The following UGP2 variants were observed in gnomAD, a reference collection of about 807,000 sequenced individuals.
UGP2 encodes the protein UDP-glucose pyrophosphorylase 2.
Under a neutral mutation model 49.0 loss-of-function variants are expected in UGP2, and 40 were observed. The observed-to-expected ratio is 0.82, with a 90% CI of 0.63 to 1.06. UGP2 has a LOEUF of 1.06. Ranked by LOEUF, UGP2 falls within the 50% of genes least tolerant of loss-of-function variation. The probability of loss-of-function intolerance (pLI) is 0.00; values close to 1 mark genes in which losing one functional copy is unlikely to be tolerated. For synonymous variants in UGP2, 225 were observed against 213.0 expected (o/e 1.06, Z -0.49); for missense variants, 460 against 603.5 (o/e 0.76, Z 2.49).
intron 1 of UGP2, 86 bp from the exon 2 acceptor site, chr2:63,856,220 G>T (rs1671056033): frequency 1.3e-6 from 2 of 1,510,320 alleles, no homozygotes; most frequent in Non-Finnish European, 1.8e-6. Flanking sequence ...TTCATTTGCT[G>T]AATACCAGAA....
Position 63,842,079 on chromosome 2 carries a change from A to G in UGP2, c.-107A>G. On this transcript the variant is annotated 5_prime_UTR_variant, in exon 1 of 10. Coordinates refer to ENST00000337130, the MANE Select transcript of UGP2 (RefSeq NM_006759.4). ...TTAAGTAGTTAAATATAGGAGGAGA[A>G]AGAATACATCGGTTGTTAAAGCAGG... The G allele has an allele frequency of 7.3e-7, 1 of 1,373,106 alleles. No individual in the cohort carries two copies. Among genetic ancestry groups the G allele is most frequent in the Non-Finnish European group, 9.8e-7 (1 of 1,015,704 alleles). The allele number at this position is 1,373,106 out of a possible 1,614,324, so 85.1% of individuals were successfully genotyped here.
chr2:63,862,342 A>G (rs531831117), intron 3 of UGP2, among the ~76,000 whole-genome samples: 1 of 152,260 alleles, frequency 6.6e-6, no homozygotes, highest in African/African-American at 2.4e-5. Context: ...TACTGACACT[A>G]AGCAGACATA....
At chr2:63,845,372 T>G (rs898093226) in intron 1 of UGP2, among the ~76,000 whole-genome samples, 1 of 152,182 alleles carries the variant, frequency 6.6e-6, no homozygotes, top group Non-Finnish European at 1.5e-5. Flanking sequence ...TACTTTTCTT[T>G]CCTGAAATGA....
chr2:63,885,735 G>T lies in UGP2; in HGVS notation c.722G>T (p.Gly241Val), dbSNP rs148522627. 5.0e-6 allele frequency: 8 copies of T among 1,613,872 alleles called. No homozygotes were observed. The highest frequency in any genetic ancestry group is 6.8e-6 in the Non-Finnish European group (8 of 1,179,930). Residue 241 changes from glycine (G) to valine (V), a missense_variant, in exon 6 of 10, where the codon GGA becomes GTA. By Grantham distance (109) the Gly-to-Val change is moderately radical. Around this residue, in one of 2 missense-constraint regions of UGP2, gnomAD observed 317 missense variants for 473.0 expected, o/e 0.67. Transcript: ENST00000337130. ...TCTGGATTGCTTGATACCTTTATAG[G>T]AGAAGGCAAAGAGTATATTTTTGTG... is the stretch of plus-strand genomic sequence containing the variant. ...YNSGLLDTFIGEGKEYIFVSN... is the reference protein window; with the variant it reads ...YNSGLLDTFIVEGKEYIFVSN...
In UGP2 at chr2:63,891,102, GT is replaced by G; in HGVS notation, c.1420-14del. 3 of 1,598,620 alleles carry G rather than the reference GT, an allele frequency of 1.9e-6. No homozygotes were observed. The highest frequency in any genetic ancestry group is 1.7e-6 in the Non-Finnish European group (2 of 1,168,614). On this transcript the variant is annotated splice_polypyrimidine_tract_variant and intron_variant, in intron 9 of 9. Coordinates refer to ENST00000337130, the MANE Select transcript of UGP2 (RefSeq NM_006759.4). ...ATTTCAGTTGCAAGTACACTCTTTTGTTTTCCCTGTCACTTAGGGAACGGTT... is the reference window on the plus strand; with the variant it reads ...ATTTCAGTTGCAAGTACACTCTTTTGTTTCCCTGTCACTTAGGGAACGGTT...
At chr2:63,865,926 T>A (rs1305102771) in intron 3 of UGP2, among the ~76,000 whole-genome samples, 1 of 152,202 alleles carries the variant, frequency 6.6e-6, no homozygotes, top group Non-Finnish European at 1.5e-5. Context: ...AATGTGTTCA[T>A]GCTAGTTATC....
chr2:63,863,084 A>T (rs1669958364), intron 3 of UGP2, among the ~76,000 whole-genome samples: 1 of 152,158 alleles, frequency 6.6e-6, no homozygotes, highest in South Asian at 2.1e-4. Flanking sequence ...AGGTTGACTA[A>T]TTTTATGACT....
chr2:63,849,233 CATATTGT>C (rs1250337909), intron 1 of UGP2, among the ~76,000 whole-genome samples: 1 of 152,196 alleles, frequency 6.6e-6, no homozygotes, highest in Non-Finnish European at 1.5e-5. Context: ...TGCTAGTCAA[CATATTGT>C]AAAAATACTA....
chr2:63,873,608 T>G (rs986780803), intron 3 of UGP2, among the ~76,000 whole-genome samples: 1 of 151,906 alleles, frequency 6.6e-6, no homozygotes, highest in Non-Finnish European at 1.5e-5. Flanking sequence ...GAAAAAGTAG[T>G]TGGTGAAATG....
At chr2:63,848,520 T>G (rs1668823937) in intron 1 of UGP2, among the ~76,000 whole-genome samples, 1 of 152,158 alleles carries the variant, frequency 6.6e-6, no homozygotes, top group Non-Finnish European at 1.5e-5. Flanking sequence ...CACGCCACCA[T>G]GCCCAGCTAA....
intron 1 of UGP2, among the ~76,000 whole-genome samples, chr2:63,846,495 T>C (rs1447764473): frequency 6.6e-6 from 1 of 152,136 alleles, no homozygotes; most frequent in East Asian, 1.9e-4. Context: ...TATGTAAAAA[T>C]GTCCCTGATG....
At chr2:63,848,904 T>C (rs549846938) in intron 1 of UGP2, among the ~76,000 whole-genome samples, 2 of 152,370 alleles carry the variant, frequency 1.3e-5, no homozygotes, top group South Asian at 4.1e-4. Context: ...ACTCAAATAC[T>C]GCCTCTGCCA....
rs372160888 is a variant in UGP2 at position 63,855,520 on chromosome 2, G to GTTTTTTTTTTTTT, written c.20-777_20-765dup. 337 of 194,226 alleles carry GTTTTTTTTTTTTT rather than the reference G, an allele frequency of 1.7e-3. 1 individual carries two copies. Among genetic ancestry groups the GTTTTTTTTTTTTT allele is most frequent in the South Asian group, 2.6e-3 (64 of 24,466 alleles). The allele number at this position is 194,226 out of a possible 1,614,324, so 12.0% of individuals were successfully genotyped here. A position where few individuals can be genotyped will look rare whatever the true frequency, so the allele number is the denominator to read the frequency against. On this transcript the variant is annotated intron_variant, in intron 1 of 9. Coordinates refer to ENST00000337130, the MANE Select transcript of UGP2 (RefSeq NM_006759.4). ...TTGGGTCTGGGGTGTTTCTTTTTCT[G>GTTTTTTTTTTTTT]TTTTTTTTTTTTTTTTTTTTTCTCT...
At chr2:63,863,204 A>C (rs1669965529) in intron 3 of UGP2, among the ~76,000 whole-genome samples, 1 of 152,200 alleles carries the variant, frequency 6.6e-6, no homozygotes, top group Non-Finnish European at 1.5e-5. Flanking sequence ...AAAAATACTC[A>C]GAAGTCTTTG....
chr2:63,841,792 A>G (rs577151077), upstream of UGP2: 4 of 166,174 alleles, frequency 2.4e-5, no homozygotes, highest in Non-Finnish European at 3.9e-5. Flanking sequence ...TGCCTCCTGC[A>G]GTACAGCCCT....
chr2:63,872,124 C>T (rs1670596647), intron 3 of UGP2, among the ~76,000 whole-genome samples: 2 of 152,216 alleles, frequency 1.3e-5, no homozygotes, highest in Admixed American at 6.5e-5. Flanking sequence ...GTCTTAACAT[C>T]CTCAGGCTAC....
chr2:63,855,487 C>G (rs1669329414), intron 1 of UGP2: 2 of 419,906 alleles, frequency 4.8e-6, no homozygotes, highest in South Asian at 3.4e-5. Flanking sequence ...ATTTTTCTGC[C>G]AAAGTGTTTG....
intron 3 of UGP2, among the ~76,000 whole-genome samples, chr2:63,880,806 G>T (rs116755902): frequency 1.3e-5 from 2 of 151,856 alleles, no homozygotes; most frequent in Non-Finnish European, 2.9e-5. Flanking sequence ...TGCAGCCATC[G>T]GTGTGGTCTG....
At chr2:63,850,427 T>A (rs1668973698) in intron 1 of UGP2, among the ~76,000 whole-genome samples, 1 of 152,226 alleles carries the variant, frequency 6.6e-6, no homozygotes, top group Admixed American at 6.5e-5. Flanking sequence ...AAAGATCATA[T>A]AAAATTATGT....
Sources: allele counts gnomAD v4.1 joint callset (sites outside exome capture counted in the v4.1 genomes callset), GRCh38; gene constraint gnomAD v4.1.1; regional missense constraint gnomAD v4.1.1; transcripts MANE v1.5; gene names NCBI Gene and HGNC (gene_info 2026-07-23, HGNC 2026-07-21).